The following ZC3H12C variants were observed in gnomAD, a reference collection of about 807,000 sequenced individuals.
The protein encoded by ZC3H12C is zinc finger CCCH-type containing 12C, also known as probable ribonuclease ZC3H12C.
Under a neutral mutation model 76.3 loss-of-function variants are expected in ZC3H12C, and 20 were observed. The observed-to-expected ratio is 0.26, with a 90% CI of 0.18 to 0.38. The LOEUF (loss-of-function observed/expected upper bound fraction) is 0.38. ZC3H12C is among the 10% of genes least tolerant of loss of function. ZC3H12C has a pLI of 1.00. For synonymous variants in ZC3H12C, 352 were observed against 399.6 expected, an observed-to-expected ratio of 0.88 and a Z score of 1.42; for missense variants, 874 against 1,086.5, an observed-to-expected ratio of 0.80 and a Z score of 2.75.
chr11:110,117,733 T>C (rs11213275), intron 1 of ZC3H12C, among the ~76,000 whole-genome samples: 3 of 66,202 alleles, frequency 4.5e-5, no homozygotes, highest in East Asian at 7.7e-4. Context: ...CATATATATA[T>C]ACACACACAT....
chr11:110,122,695 T>C (rs1861672266), intron 1 of ZC3H12C, among the ~76,000 whole-genome samples: 1 of 152,234 alleles, frequency 6.6e-6, no homozygotes, highest in South Asian at 2.1e-4. Flanking sequence ...CAACCTTTAT[T>C]ATAAACTGGG....
chr11:110,154,472 G>T (rs966648655), intron 3 of ZC3H12C, among the ~76,000 whole-genome samples: 7 of 152,002 alleles, frequency 4.6e-5, no homozygotes, highest in African/African-American at 1.7e-4. Flanking sequence ...AGTGGAACCA[G>T]ACCCTAGCCT....
chr11:110,118,404 T>C (rs1362375799), intron 1 of ZC3H12C, among the ~76,000 whole-genome samples: 8 of 152,108 alleles, frequency 5.3e-5, no homozygotes, highest in Non-Finnish European at 1.0e-4. Context: ...GGTGTTTCTT[T>C]AGACATGAAC....
At chr11:110,154,274 G>A (rs1051642015) in intron 3 of ZC3H12C, among the ~76,000 whole-genome samples, 1 of 151,842 alleles carries the variant, frequency 6.6e-6, no homozygotes, top group African/African-American at 2.4e-5. Context: ...GAGAGCTGAA[G>A]TGGGAGAATC....
intron 1 of ZC3H12C, among the ~76,000 whole-genome samples, chr11:110,120,062 T>C (rs576581441): frequency 6.6e-6 from 1 of 152,324 alleles, no homozygotes. Flanking sequence ...GACATGTATT[T>C]ATTATTTAAA....
rs370110521 is a variant in ZC3H12C, at chr11:110,154,428, T to C, written c.913+1370T>C. Among the ~76,000 whole-genome samples, 17 of 151,776 alleles carry C rather than the reference T, an allele frequency of 1.1e-4. 1 individual carries two copies. The highest frequency in any genetic ancestry group is 3.4e-3 in the Middle Eastern group (1 of 290). The stretch of plus-strand genomic sequence containing the variant: ...TTATTACATCATTGTTAAATTAACA[T>C]AAGAATGAATAGGCAAGTCATGGTG... On this transcript the variant is annotated intron_variant, in intron 3 of 5. Coordinates refer to ENST00000278590, the MANE Select transcript of ZC3H12C (RefSeq NM_033390.2).
intron 1 of ZC3H12C, among the ~76,000 whole-genome samples, chr11:110,115,743 A>G (rs1439495060): frequency 8.8e-6 from 1 of 113,294 alleles, no homozygotes. Flanking sequence ...CTGTTTTCTC[A>G]TTTTCTTTTT....
At chr11:110,102,497 G>A (rs77703834) in intron 1 of ZC3H12C, among the ~76,000 whole-genome samples, 11 of 152,218 alleles carry the variant, frequency 7.2e-5, no homozygotes, top group Middle Eastern at 3.4e-3. Flanking sequence ...ATGAGGAGTT[G>A]TGTCTTCTGG....
intron 1 of ZC3H12C, among the ~76,000 whole-genome samples, chr11:110,110,881 A>G (rs2156583): frequency 0.7 from 107,186 of 152,098 alleles, 38,057 homozygotes; most frequent in East Asian, 0.89. Flanking sequence ...TCAGAGTGTA[A>G]GTAGTATAAT....
intron 1 of ZC3H12C, among the ~76,000 whole-genome samples, chr11:110,112,262 T>C (rs1171559413): frequency 6.6e-6 from 1 of 152,148 alleles, no homozygotes; most frequent in Non-Finnish European, 1.5e-5. Flanking sequence ...GCCGTGGCAC[T>C]ATCTTGGCTC....
intron 1 of ZC3H12C, among the ~76,000 whole-genome samples, chr11:110,095,514 C>T (rs189344694): frequency 6.0e-4 from 91 of 152,244 alleles, no homozygotes; most frequent in South Asian, 5.2e-3. Context: ...ACTGTTGGAA[C>T]GTAGAATAAC....
chr11:110,159,981 C>T (rs1182564321), intron 4 of ZC3H12C, among the ~76,000 whole-genome samples: 2 of 152,366 alleles, frequency 1.3e-5, no homozygotes, highest in African/African-American at 2.4e-5. Flanking sequence ...CACGCCTAGG[C>T]GATGTGGTAC....
At chr11:110,134,172 C>A (rs1325590892) in intron 1 of ZC3H12C, among the ~76,000 whole-genome samples, 1 of 152,044 alleles carries the variant, frequency 6.6e-6, no homozygotes, top group African/African-American at 2.4e-5. Flanking sequence ...AAATGCACTT[C>A]CTGCAGTCAG....
Position 110,103,631 on chromosome 11 carries a change from A to G in ZC3H12C, c.21+10199A>G, listed in dbSNP as rs1163271787. ...TTTTTTTGTTTTTTTTTTGAGACAGAGTCTCGCTCTGTTGCCCAGGCTGGA... is the reference window on the plus strand; with the variant it reads ...TTTTTTTGTTTTTTTTTTGAGACAGGGTCTCGCTCTGTTGCCCAGGCTGGA... On this transcript the variant is annotated intron_variant, in intron 1 of 5. Transcript: ENST00000278590. Among the ~76,000 whole-genome samples, 9 of 151,144 alleles carry G rather than the reference A, an allele frequency of 6.0e-5. No individual in the cohort carries two copies. In the East Asian group the frequency reaches 1.2e-3, roughly 20 times the overall value.
intron 2 of ZC3H12C, 112 bp from the exon 3 acceptor site, chr11:110,152,807 G>A (rs1453466949): frequency 1.6e-6 from 2 of 1,214,034 alleles, no homozygotes; most frequent in South Asian, 1.4e-5. Flanking sequence ...TTTTAACTCT[G>A]ACGTCTCTTA....
Position 110,136,881 on chromosome 11 carries a change from G to T in ZC3H12C, c.240G>T (p.Ala80=). 6.2e-7 allele frequency: 1 copy of T among 1,613,762 alleles called. No individual in the cohort carries two copies. Among genetic ancestry groups the T allele is most frequent in the Non-Finnish European group, 8.5e-7 (1 of 1,179,810 alleles). The change falls in exon 2 of 6, where the codon GCG becomes GCT. Residue 80 remains alanine, a synonymous_variant. Transcript: ENST00000278590. ...ATGTGGGGAAGGATGAAAAAGAGGC[G>T]TCTGAAGAGAATGCAAGCTCTGGTG... ...TVNVGKDEKE[A]SEENASSGDS...
intron 1 of ZC3H12C, chr11:110,136,333 A>G (rs1385416388): frequency 4.8e-6 from 1 of 209,252 alleles, no homozygotes; most frequent in African/African-American, 2.3e-5. Context: ...CTAAAAGTAG[A>G]AAAATCTGAT....
chr11:110,160,510 AT>A (rs1366100764), intron 4 of ZC3H12C, among the ~76,000 whole-genome samples: 6 of 150,778 alleles, frequency 4.0e-5, no homozygotes, highest in South Asian at 2.1e-4. Flanking sequence ...TTCTATTTTT[AT>A]TTTTTTTTCT....
intron 1 of ZC3H12C, among the ~76,000 whole-genome samples, chr11:110,122,072 T>C (rs1861660485): frequency 6.6e-6 from 1 of 152,236 alleles, no homozygotes; most frequent in Non-Finnish European, 1.5e-5. Context: ...GTAAATTATT[T>C]AACACTTAAA....
Sources: gnomAD v4.1 joint callset for allele counts (sites outside exome capture counted in the v4.1 genomes callset) on GRCh38, gnomAD v4.1.1 for gene constraint, MANE v1.5 for transcripts, NCBI Gene and HGNC (gene_info 2026-07-23, HGNC 2026-07-21) for gene names.